The following UNC13C variants were observed in gnomAD, a reference collection of about 807,000 sequenced individuals.
The protein encoded by UNC13C is unc-13 homolog C.
A neutral mutation model predicts 245.4 loss-of-function variants in UNC13C; 174 were observed. The ratio of observed to expected loss-of-function variants is 0.71; its 90% CI spans 0.63 to 0.80. The LOEUF (loss-of-function observed/expected upper bound fraction) is 0.80, where lower values mean the gene tolerates loss of function less well. Among genes scored for constraint, UNC13C ranks in the 30% least tolerant of loss-of-function variants. The probability of loss-of-function intolerance (pLI) is 0.00; values close to 1 mark genes in which losing one functional copy is unlikely to be tolerated. For synonymous variants in UNC13C, 992 were observed against 895.1 expected (o/e 1.11, Z -1.93); for missense variants, 2,829 against 2,602.9 (o/e 1.09, Z -1.89).
chr15:53,888,127 G>T, the UNC13C span, among the ~76,000 whole-genome samples: 1 of 152,250 alleles, frequency 6.6e-6, no homozygotes, highest in Admixed American at 6.5e-5. Context: ...AGGAATCACT[G>T]CACTGTCTTC....
At chr15:54,211,099 T>C (rs1259474635) in intron 4 of UNC13C, among the ~76,000 whole-genome samples, 1 of 152,064 alleles carries the variant, frequency 6.6e-6, no homozygotes, top group Non-Finnish European at 1.5e-5. Context: ...AGAAACTCAG[T>C]GAATGCTGAA....
At chr15:54,298,739 C>T (rs952155612) in intron 12 of UNC13C, among the ~76,000 whole-genome samples, 14 of 152,036 alleles carry the variant, frequency 9.2e-5, no homozygotes, top group African/African-American at 1.9e-4. Flanking sequence ...AGAGGTGTCA[C>T]GGGAGACTTT....
intron 30 of UNC13C, 149 bp from the exon 31 acceptor site, chr15:54,622,178 T>C (rs1900836601): frequency 6.9e-6 from 4 of 582,996 alleles, no homozygotes; most frequent in East Asian, 2.8e-5. Flanking sequence ...CATACTTAAG[T>C]GAATATTTAT....
intron 2 of UNC13C, among the ~76,000 whole-genome samples, chr15:54,060,623 T>TAC (rs1472709908): frequency 6.6e-6 from 1 of 152,198 alleles, no homozygotes; most frequent in East Asian, 1.9e-4. Context: ...ACTGGGTATA[T>TAC]ACCCAAAGGA....
At position 54,424,111 on chromosome 15, in the gene UNC13C, T is replaced by C. The variant is rs2040708506; in HGVS notation, c.4933+9044T>C. Among the ~76,000 whole-genome samples, 3 of 151,958 alleles carry C rather than the reference T, an allele frequency of 2.0e-5. No homozygotes were observed. The South Asian group carries it at 6.2e-4, about 32-fold the overall frequency. ...GAATATTATCTAAACTACTTGAACT[T>C]GAATTGTGGAACTTGTAAATTTGGC... On this transcript the variant is annotated intron_variant, in intron 19 of 32. Coordinates refer to ENST00000260323, the MANE Select transcript of UNC13C (RefSeq NM_001080534.3).
At chr15:54,367,448 AT>A (rs2039389609) in intron 17 of UNC13C, among the ~76,000 whole-genome samples, 1 of 151,960 alleles carries the variant, frequency 6.6e-6, no homozygotes, top group South Asian at 2.1e-4. Context: ...TGTTACTGTT[AT>A]TTTTTGCAAG....
chr15:54,294,289 C>A (rs2037375350), intron 11 of UNC13C, among the ~76,000 whole-genome samples: 1 of 152,016 alleles, frequency 6.6e-6, no homozygotes, highest in Non-Finnish European at 1.5e-5. Context: ...TTTCCAAGAA[C>A]TACCTAGATG....
chr15:54,346,109 T>C (rs2038854291), intron 17 of UNC13C, among the ~76,000 whole-genome samples: 2 of 152,214 alleles, frequency 1.3e-5, no homozygotes, highest in Non-Finnish European at 2.9e-5. Context: ...AGGTGCATCA[T>C]GTGATATCAG....
At chr15:54,264,878 G>A (rs2140890768) in intron 9 of UNC13C, among the ~76,000 whole-genome samples, 1 of 151,972 alleles carries the variant, frequency 6.6e-6, no homozygotes, top group East Asian at 1.9e-4. Context: ...TGACTGTGCA[G>A]CCTGTTAACA....
intron 2 of UNC13C, among the ~76,000 whole-genome samples, chr15:54,136,014 A>G (rs2031710283): frequency 6.6e-6 from 1 of 152,144 alleles, no homozygotes. Context: ...TGTTTTCTTC[A>G]ATTATTTCAT....
intron 1 of UNC13C, among the ~76,000 whole-genome samples, chr15:53,979,486 G>C (rs2711592): frequency 0.25 from 36,805 of 144,812 alleles, 5,372 homozygotes; most frequent in Non-Finnish European, 0.33. Flanking sequence ...TGCTTAAATT[G>C]TGTGCTTGGT....
At chr15:54,277,297 G>A (rs1251339710) in intron 10 of UNC13C, among the ~76,000 whole-genome samples, 3 of 152,112 alleles carry the variant, frequency 2.0e-5, no homozygotes, top group Non-Finnish European at 4.4e-5. Flanking sequence ...AATTGGACTG[G>A]GAGGGACAAT....
the UNC13C span, among the ~76,000 whole-genome samples, chr15:53,869,446 T>C: frequency 3.9e-5 from 6 of 152,320 alleles, no homozygotes; most frequent in African/African-American, 1.4e-4. Flanking sequence ...TAATTCATAC[T>C]AATTCCCTTG....
Position 54,028,171 on chromosome 15 carries a change from C to G in UNC13C, c.2983+12285C>G, listed in dbSNP as rs145106690. On this transcript the variant is annotated intron_variant, in intron 2 of 32. Coordinates refer to ENST00000260323, the MANE Select transcript of UNC13C (RefSeq NM_001080534.3). ...GTCATCTTGACTCCTATATCTCAAG[C>G]TAAGTTTTTCAGACTTTCAGTTGAT... 4.8e-3 allele frequency among the ~76,000 whole-genome samples: 737 copies of G among 152,268 alleles called. 1 individual carries two copies. Among genetic ancestry groups the G allele is most frequent in the Middle Eastern group, 0.044 (13 of 294 alleles).
upstream of UNC13C, among the ~76,000 whole-genome samples, chr15:53,977,444 T>G (rs959930633): frequency 2.0e-5 from 3 of 152,214 alleles, no homozygotes; most frequent in African/African-American, 7.2e-5. Flanking sequence ...CATCCCTCCA[T>G]GTACTGAAAA....
In UNC13C at chr15:54,143,017, G is replaced by T; in HGVS notation, c.2984-1G>T. ...CCCTTCTTTTCCTGATTCTCTTTCA[G>T]ATAGCAGTTCTGTGGATGAAAAGGT... is the stretch of plus-strand genomic sequence containing the variant. On this transcript the variant is annotated splice_acceptor_variant, in intron 2 of 32. Coordinates refer to ENST00000260323, the MANE Select transcript of UNC13C (RefSeq NM_001080534.3). LOFTEE classifies it high-confidence loss of function. 6.8e-6 allele frequency: 11 copies of T among 1,611,768 alleles called. No individual in the cohort carries two copies. Among genetic ancestry groups the T allele is most frequent in the Non-Finnish European group, 9.3e-6 (11 of 1,179,054 alleles).
At chr15:54,355,551 T>G (rs1484435367) in intron 17 of UNC13C, among the ~76,000 whole-genome samples, 1 of 152,008 alleles carries the variant, frequency 6.6e-6, no homozygotes, top group Non-Finnish European at 1.5e-5. Context: ...AGAGACGGGG[T>G]TTCACCATGT....
intron 4 of UNC13C, among the ~76,000 whole-genome samples, chr15:54,225,907 A>C (rs1236683100): frequency 6.6e-6 from 1 of 152,192 alleles, no homozygotes; most frequent in African/African-American, 2.4e-5. Context: ...AAATGCTTCC[A>C]GCTTTTGCCC....
At chr15:54,167,603 A>G (rs1358503122) in intron 4 of UNC13C, among the ~76,000 whole-genome samples, 1 of 31,300 alleles carries the variant, frequency 3.2e-5, no homozygotes, top group Non-Finnish European at 6.9e-5. Context: ...TCCAAATAGG[A>G]AAAAAAAAAA....
Sources: gnomAD v4.1 joint callset for allele counts (sites outside exome capture counted in the v4.1 genomes callset) on GRCh38, gnomAD v4.1.1 for gene constraint, MANE v1.5 for transcripts, NCBI Gene and HGNC (gene_info 2026-07-23, HGNC 2026-07-21) for gene names.